The following DCAF5 variants were observed in gnomAD, a reference collection of about 807,000 sequenced individuals.
DCAF5 encodes the protein DDB1 and CUL4 associated factor 5.
Under a neutral mutation model 80.7 loss-of-function variants are expected in DCAF5, and 9 were observed. The ratio of observed to expected loss-of-function variants is 0.11; its 90% confidence interval spans 0.07 to 0.19. The LOEUF (loss-of-function observed/expected upper bound fraction) is 0.19, where lower values mean the gene tolerates loss of function less well. Ranked by LOEUF, DCAF5 falls within the 10% of genes least tolerant of loss-of-function variation. The pLI, the probability that DCAF5 is intolerant of heterozygous loss-of-function variation, is 1.00. For synonymous variants in DCAF5, 433 were observed against 461.9 expected (o/e 0.94, Z 0.80); for missense variants, 842 against 1,205.7 (o/e 0.70, Z 4.47).
chr14:69,081,997 G>A (rs1365935257), intron 6 of DCAF5, among the ~76,000 whole-genome samples: 1 of 152,176 alleles, frequency 6.6e-6, no homozygotes, highest in Non-Finnish European at 1.5e-5. Context: ...TCGCTAGCCT[G>A]GATCAGTAAC....
rs114704929 is a variant in DCAF5 at position 69,089,988 on chromosome 14, A to G, written c.879+1686T>C. The G allele has an allele frequency of 7.2e-4, 710 of 985,456 alleles. 2 individuals carry two copies. In the African/African-American group the frequency reaches 0.011, roughly 16 times the overall value. 61.0% of individuals were successfully genotyped at this position (985,456 alleles called of 1,614,324 possible). On this transcript the variant is annotated intron_variant, in intron 6 of 8. Coordinates refer to ENST00000341516, the MANE Select transcript of DCAF5 (RefSeq NM_003861.3). ...CTTTGTTCTGGGTCTTCTAAGGTCCATGAAGATAGGCTTTGTTGCTAAACA... is the reference window on the plus strand; with the variant it reads ...CTTTGTTCTGGGTCTTCTAAGGTCCGTGAAGATAGGCTTTGTTGCTAAACA...
intron 1 of DCAF5, among the ~76,000 whole-genome samples, chr14:69,145,857 G>A (rs1240934616): frequency 3.3e-5 from 5 of 152,136 alleles, no homozygotes; most frequent in Non-Finnish European, 5.9e-5. Context: ...ACCATAAAAA[G>A]AAGACAGAGA....
intron 5 of DCAF5, among the ~76,000 whole-genome samples, chr14:69,106,596 T>A (rs1447935566): frequency 6.6e-6 from 1 of 152,086 alleles, no homozygotes; most frequent in Non-Finnish European, 1.5e-5. Context: ...TGTCTTGAAC[T>A]CCTAGCCTCA....
Position 69,138,965 on chromosome 14 carries a change from G to A in DCAF5, c.214+13800C>T, listed in dbSNP as rs115458082. ...GTTCAAAGTCAGCCTGGGCAACATG[G>A]TAAGACCCCGTCTTTAGAAAAAATA... On this transcript the variant is annotated intron_variant, in intron 1 of 8. Coordinates refer to ENST00000341516, the MANE Select transcript of DCAF5 (RefSeq NM_003861.3). 8.7e-3 allele frequency among the ~76,000 whole-genome samples: 1,329 copies of A among 152,200 alleles called. 21 individuals carry two copies. Among genetic ancestry groups the A allele is most frequent in the African/African-American group, 0.031 (1,269 of 41,526 alleles).
intron 1 of DCAF5, among the ~76,000 whole-genome samples, chr14:69,129,555 T>C (rs2040978617): frequency 2.0e-5 from 3 of 152,206 alleles, no homozygotes; most frequent in African/African-American, 4.8e-5. Flanking sequence ...TACAATTGTC[T>C]CCCTTAATCT....
chr14:69,111,464 A>T (rs1313498951), intron 5 of DCAF5, among the ~76,000 whole-genome samples: 2 of 152,192 alleles, frequency 1.3e-5, no homozygotes, highest in Non-Finnish European at 2.9e-5. Context: ...CACTCTCTTT[A>T]TTATCCTTGT....
At chr14:69,127,756 A>G (rs2040921170) in intron 1 of DCAF5, among the ~76,000 whole-genome samples, 2 of 152,204 alleles carry the variant, frequency 1.3e-5, no homozygotes, top group Non-Finnish European at 2.9e-5. Context: ...TAAGGGGTAC[A>G]TGGAAAACCT....
At chr14:69,085,329 G>A in intron 6 of DCAF5, 1 of 698,210 alleles carries the variant, frequency 1.4e-6, no homozygotes, top group Non-Finnish European at 2.7e-6. Flanking sequence ...AAGTTGAGAA[G>A]TCCAAAATCT....
chr14:69,144,627 T>C (rs977304335), intron 1 of DCAF5, among the ~76,000 whole-genome samples: 33 of 152,290 alleles, frequency 2.2e-4, no homozygotes, highest in Admixed American at 1.0e-3. Context: ...AATATTTTAA[T>C]GAGTAAATAA....
At chr14:69,117,821 C>T (rs1266147141) in intron 4 of DCAF5, among the ~76,000 whole-genome samples, 1 of 152,176 alleles carries the variant, frequency 6.6e-6, no homozygotes, top group African/African-American at 2.4e-5. Context: ...ATAACGCCCC[C>T]ATTCTCTGTA....
chr14:69,152,094 C>T lies in DCAF5; in HGVS notation c.214+671G>A, dbSNP rs2041725194. Among the ~76,000 whole-genome samples the T allele has an allele frequency of 6.6e-6, 1 of 152,212 alleles. No homozygotes were observed. Among genetic ancestry groups the T allele is most frequent in the African/African-American group, 2.4e-5 (1 of 41,460 alleles). ...GGCTGGTGCCCTTTAGCCTCCACAG[C>T]CCTCGCCACTCTCGAAACTGTATTA... is the stretch of plus-strand genomic sequence containing the variant. On this transcript the variant is annotated intron_variant, in intron 1 of 8. Transcript: ENST00000341516. This position sits in a 1 kb window ranked among gnomAD's most constrained non-coding sequence, Gnocchi z 4.1.
At chr14:69,130,761 G>C (rs1175740582) in intron 1 of DCAF5, among the ~76,000 whole-genome samples, 1 of 152,090 alleles carries the variant, frequency 6.6e-6, no homozygotes, top group South Asian at 2.1e-4. Flanking sequence ...AGTAACAATG[G>C]GATTAGATAC....
At chr14:69,083,726 GA>G in intron 6 of DCAF5, 1 of 645,368 alleles carries the variant, frequency 1.5e-6, no homozygotes, top group Non-Finnish European at 2.9e-6. Context: ...AAAAAGAAGA[GA>G]AAAATGGTGA....
At chr14:69,091,066 G>A (rs574604609) in intron 6 of DCAF5, 2 of 750,004 alleles carry the variant, frequency 2.7e-6, no homozygotes, top group Middle Eastern at 2.3e-4. Flanking sequence ...TAAACTGCCA[G>A]CTTTAAGTCA....
intron 7 of DCAF5, among the ~76,000 whole-genome samples, chr14:69,071,374 T>C (rs2038685336): frequency 6.6e-6 from 1 of 152,076 alleles, no homozygotes; most frequent in Admixed American, 6.6e-5. Flanking sequence ...AAGAAGGCCT[T>C]GACTTTGGCT....
chr14:69,091,061 T>C (rs770205983), intron 6 of DCAF5: 3 of 747,290 alleles, frequency 4.0e-6, no homozygotes, highest in African/African-American at 3.4e-5. Flanking sequence ...ATTCTTAAAC[T>C]GCCAGCTTTA....
chr14:69,084,670 C>A, intron 6 of DCAF5: 1 of 1,212,108 alleles, frequency 8.3e-7, no homozygotes, highest in Non-Finnish European at 1.2e-6. Context: ...TTATGGCCTT[C>A]TTTTCATCTT....
chr14:69,102,591 G>GACAAACACACACAC (rs2039996714), intron 5 of DCAF5, among the ~76,000 whole-genome samples: 1 of 124,880 alleles, frequency 8.0e-6, no homozygotes, highest in African/African-American at 2.9e-5. Context: ...TAAAAACAAA[G>GACAAACACACACAC]ACACACACAC....
chr14:69,073,584 T>C (rs1372712078), intron 7 of DCAF5, among the ~76,000 whole-genome samples: 1 of 151,882 alleles, frequency 6.6e-6, no homozygotes, highest in Non-Finnish European at 1.5e-5. Flanking sequence ...GCCCAGAGTT[T>C]GAGGCTACAG....
Sources: allele counts gnomAD v4.1 joint callset (sites outside exome capture counted in the v4.1 genomes callset), GRCh38; gene constraint gnomAD v4.1.1; non-coding constraint Gnocchi (gnomAD v3.1); transcripts MANE v1.5; gene names NCBI Gene and HGNC (gene_info 2026-07-23, HGNC 2026-07-21).